RPS6KC1: variants seen among roughly 807,000 people sequenced by gnomAD.
RPS6KC1 encodes inactive ribosomal protein S6 kinase delta-1.
RPS6KC1 carries 54 observed loss-of-function variants against 103.8 expected under a neutral mutation model. The ratio of observed to expected loss-of-function variants is 0.52; its 90% CI spans 0.42 to 0.65. The LOEUF (loss-of-function observed/expected upper bound fraction) is 0.65, where lower values mean the gene tolerates loss of function less well. Among genes scored for constraint, RPS6KC1 ranks in the 30% least tolerant of loss-of-function variants. RPS6KC1 has a pLI of 0.00. For missense variants in RPS6KC1, 1,151 were observed against 1,253.8 expected, an observed-to-expected ratio of 0.92 and a Z score of 1.24; for synonymous variants, 439 against 438.7, an observed-to-expected ratio of 1.00 and a Z score of -0.01.
At chr1:213,249,710 T>A (rs1034660037) in intron 12 of RPS6KC1, among the ~76,000 whole-genome samples, 2 of 152,206 alleles carry the variant, frequency 1.3e-5, no homozygotes, top group Non-Finnish European at 2.9e-5. Flanking sequence ...TTTTTCCTAC[T>A]AGAAATACAG....
intron 3 of RPS6KC1, among the ~76,000 whole-genome samples, chr1:213,086,489 A>C (rs1566247): frequency 6.6e-6 from 1 of 152,082 alleles, no homozygotes; most frequent in African/African-American, 2.4e-5. Flanking sequence ...CAGCCTTGGC[A>C]AGGAGGCACC....
At chr1:213,327,142 G>A in the RPS6KC1 span, among the ~76,000 whole-genome samples, 7 of 151,106 alleles carry the variant, frequency 4.6e-5, no homozygotes, top group African/African-American at 1.7e-4. Flanking sequence ...TGCAGGAAAT[G>A]GGAAGATTGC....
At chr1:213,530,032 TTTATTATTATTATTATTA>T in the RPS6KC1 span, among the ~76,000 whole-genome samples, 5 of 149,082 alleles carry the variant, frequency 3.4e-5, no homozygotes, top group East Asian at 9.8e-4. Context: ...CTTCACTTCT[TTTATTATTATTATTATTA>T]TTATTATTAT....
the RPS6KC1 span, among the ~76,000 whole-genome samples, chr1:213,470,192 T>C: frequency 6.6e-6 from 1 of 152,254 alleles, no homozygotes; most frequent in African/African-American, 2.4e-5. Context: ...ACTTAGTTGA[T>C]ATGGCTGAGT....
At chr1:213,141,405 A>C (rs1014185760) in intron 6 of RPS6KC1, among the ~76,000 whole-genome samples, 2 of 152,066 alleles carry the variant, frequency 1.3e-5, no homozygotes, top group Admixed American at 1.3e-4. Flanking sequence ...GTTTGTGTGC[A>C]TAGAGGTGTT....
chr1:213,309,583 A>G, the RPS6KC1 span, among the ~76,000 whole-genome samples: 1 of 152,228 alleles, frequency 6.6e-6, no homozygotes, highest in Non-Finnish European at 1.5e-5. Flanking sequence ...AAGGTCATGA[A>G]GCTGGTGATG....
chr1:213,363,690 CTTTCTTTCTTTCCTT>C, the RPS6KC1 span, among the ~76,000 whole-genome samples: 400 of 99,900 alleles, frequency 4.0e-3, 75 homozygotes, highest in African/African-American at 0.02. Context: ...TTCTTTCTTT[CTTTCTTTCTTTCCTT>C]CTTTCTTTCT....
At chr1:213,624,955 C>T in the RPS6KC1 span, among the ~76,000 whole-genome samples, 1 of 152,016 alleles carries the variant, frequency 6.6e-6, no homozygotes. Context: ...AAGCATGTTC[C>T]CTCTTAAAAG....
rs533506788 is a variant in RPS6KC1 at position 213,169,763 on chromosome 1, A to G, written c.951+1790A>G. Among the ~76,000 whole-genome samples the G allele has an allele frequency of 3.1e-4, 47 of 151,160 alleles. 1 individual carries two copies. In the South Asian group the frequency reaches 9.0e-3, roughly 29 times the overall value. ...ATATAAATATTGTAAAAGTTTTTTT[A>G]AATTTTTAAATTTTTAAGTTTTTTT... On this transcript the variant is annotated intron_variant, in intron 7 of 14. Transcript: ENST00000366960.
chr1:213,682,805 G>A, the RPS6KC1 span, among the ~76,000 whole-genome samples: 1 of 152,266 alleles, frequency 6.6e-6, no homozygotes, highest in South Asian at 2.1e-4. Context: ...ATGCACTATA[G>A]CATCACCCAG....
chr1:213,511,447 C>T, the RPS6KC1 span, among the ~76,000 whole-genome samples: 1 of 152,100 alleles, frequency 6.6e-6, no homozygotes. Context: ...GGAGAGGTGT[C>T]CTGTGAAGCC....
At chr1:213,785,461 T>C in the RPS6KC1 span, among the ~76,000 whole-genome samples, 1 of 152,004 alleles carries the variant, frequency 6.6e-6, no homozygotes, top group South Asian at 2.1e-4. Flanking sequence ...CAAAACAAAA[T>C]TATGAGATCT....
chr1:213,702,739 CTGTT>C, the RPS6KC1 span, among the ~76,000 whole-genome samples: 1 of 151,672 alleles, frequency 6.6e-6, no homozygotes, highest in Non-Finnish European at 1.5e-5. Context: ...TACTCCTGCT[CTGTT>C]TGATTTCTAT....
At chr1:213,202,773 A>T (rs1189597677) in intron 8 of RPS6KC1, among the ~76,000 whole-genome samples, 1 of 152,214 alleles carries the variant, frequency 6.6e-6, no homozygotes, top group Non-Finnish European at 1.5e-5. Flanking sequence ...AAATACCTCG[A>T]TGCTTTCAAA....
At chr1:213,497,243 T>C in the RPS6KC1 span, among the ~76,000 whole-genome samples, 2 of 152,350 alleles carry the variant, frequency 1.3e-5, 1 homozygote, top group East Asian at 3.9e-4. Context: ...CTATAGCATA[T>C]GTTTGTTCTT....
At chr1:213,582,179 G>A in the RPS6KC1 span, among the ~76,000 whole-genome samples, 1 of 150,760 alleles carries the variant, frequency 6.6e-6, no homozygotes. Flanking sequence ...TATTGAATAC[G>A]TGAATGAAAT....
the RPS6KC1 span, among the ~76,000 whole-genome samples, chr1:213,365,227 A>C: frequency 6.6e-6 from 1 of 152,348 alleles, no homozygotes; most frequent in East Asian, 1.9e-4. Context: ...TTATCATTAA[A>C]AATGTGGCAA....
the RPS6KC1 span, among the ~76,000 whole-genome samples, chr1:213,851,310 A>G: frequency 2.6e-5 from 4 of 152,158 alleles, no homozygotes; most frequent in Non-Finnish European, 5.9e-5. Flanking sequence ...CTGATGTATT[A>G]GCAACCTCTC....
At chr1:213,163,610 G>T (rs1300797685) in intron 6 of RPS6KC1, among the ~76,000 whole-genome samples, 1 of 151,912 alleles carries the variant, frequency 6.6e-6, no homozygotes, top group Non-Finnish European at 1.5e-5. Context: ...AGAATTGAAA[G>T]AACCGTTTTT....
Sources: allele counts gnomAD v4.1 joint callset (sites outside exome capture counted in the v4.1 genomes callset), GRCh38; gene constraint gnomAD v4.1.1; transcripts MANE v1.5; gene names NCBI Gene and HGNC (gene_info 2026-07-23, HGNC 2026-07-21).